WDPCP: variants seen among roughly 807,000 people sequenced by gnomAD.
WDPCP encodes WD repeat containing planar cell polarity effector.
WDPCP carries 71 observed loss-of-function variants against 93.1 expected under a neutral mutation model. The observed-to-expected ratio is 0.76, with a 90% CI of 0.63 to 0.93. The LOEUF is 0.93. Among genes scored for constraint, WDPCP ranks in the 40% least tolerant of loss-of-function variants. The pLI is 0.00. For missense variants in WDPCP, 844 were observed against 887.4 expected (o/e 0.95, Z 0.62); for synonymous variants, 315 against 315.0 (o/e 1.00, Z 0.00).
intron 1 of WDPCP, among the ~76,000 whole-genome samples, chr2:63,526,110 C>T (rs924112860): frequency 5.9e-5 from 9 of 152,052 alleles, no homozygotes; most frequent in Admixed American, 2.6e-4. Flanking sequence ...CTCCCATGCA[C>T]GTGCATAACT....
At chr2:63,551,616 A>G (rs1427099857) in intron 1 of WDPCP, among the ~76,000 whole-genome samples, 1 of 152,188 alleles carries the variant, frequency 6.6e-6, no homozygotes, top group African/African-American at 2.4e-5. Flanking sequence ...ATAAATTACC[A>G]GCCTCAGATA....
intron 1 of WDPCP, among the ~76,000 whole-genome samples, chr2:63,497,152 G>C (rs1701278245): frequency 1.3e-5 from 2 of 150,870 alleles, no homozygotes; most frequent in Non-Finnish European, 2.9e-5. Context: ...AGTGGCTGCA[G>C]GAAGTGGTGT....
intron 14 of WDPCP, among the ~76,000 whole-genome samples, chr2:63,258,993 T>C (rs1028738978): frequency 5.9e-5 from 9 of 152,172 alleles, no homozygotes; most frequent in Admixed American, 4.6e-4. Context: ...AATTTCTGTG[T>C]TGGTTAATTT....
intron 1 of WDPCP, among the ~76,000 whole-genome samples, chr2:63,822,010 T>A (rs2104130853): frequency 6.6e-6 from 1 of 152,248 alleles, no homozygotes; most frequent in Admixed American, 6.5e-5. Flanking sequence ...AACAATTCAA[T>A]GTTTTATTAA....
At chr2:63,760,273 TGAG>T (rs1670036662) in intron 2 of WDPCP, among the ~76,000 whole-genome samples, 1 of 152,140 alleles carries the variant, frequency 6.6e-6, no homozygotes, top group Non-Finnish European at 1.5e-5. Flanking sequence ...AAGCCTTGCC[TGAG>T]AGTTTAATAC....
rs374705545 is a variant in WDPCP at position 63,805,085 on chromosome 2, T to C, written n.308+8537A>G. ...ATGCCAGGGTGTCTCTGGCGGAAGA[T>C]AGGAGCAAAACAAAAGCTACCCATT... On this transcript the variant is annotated intron_variant and non_coding_transcript_variant, in intron 2 of 4. Coordinates refer to the WDPCP transcript ENST00000467687. Among the ~76,000 whole-genome samples, 70 of 152,258 alleles carry C rather than the reference T, an allele frequency of 4.6e-4. 1 individual carries two copies. Among genetic ancestry groups the C allele is most frequent in the African/African-American group, 1.6e-3 (65 of 41,556 alleles).
intron 14 of WDPCP, among the ~76,000 whole-genome samples, chr2:63,193,021 A>G (rs1675159464): frequency 6.6e-6 from 1 of 152,242 alleles, no homozygotes; most frequent in Non-Finnish European, 1.5e-5. Context: ...TGGAGGCATA[A>G]AAATAAACTA....
rs375737055 is a variant in WDPCP, at chr2:63,433,916, G to A, written c.654C>T (p.Pro218=). The A allele has an allele frequency of 1.8e-5, 29 of 1,613,458 alleles. No individual in the cohort carries two copies. Among genetic ancestry groups the A allele is most frequent in the Admixed American group, 1.5e-4 (9 of 59,914 alleles). Reference sequence around the variant, plus strand: ...GCTCTGTTGTCTTGTTTATTGGGCCGGGTATTTCATAATAGAAAATCTAAC... The same window carrying A: ...GCTCTGTTGTCTTGTTTATTGGGCCAGGTATTTCATAATAGAAAATCTAAC... The part of the protein sequence containing the change: ...LDYKIFYYEI[P]GPINKTTERH... Residue 218 remains proline (P), a synonymous_variant, in exon 9 of 18, where the codon CCC becomes CCT. Transcript: ENST00000272321.
At chr2:63,233,568 T>TGA (rs1179788538) in intron 14 of WDPCP, 2 of 168,508 alleles carry the variant, frequency 1.2e-5, no homozygotes, top group African/African-American at 4.8e-5. Context: ...ATATTCAATA[T>TGA]GAGAGACACA....
rs1277888270 is a variant in WDPCP, at chr2:63,378,593, G to A, written c.1625-84C>T. 8.2e-6 allele frequency: 13 copies of A among 1,582,060 alleles called. 1 individual carries two copies. The highest frequency in any genetic ancestry group is 7.8e-5 in the South Asian group (7 of 89,844). On this transcript the variant is annotated intron_variant, in intron 11 of 17. Transcript: ENST00000272321. Reference sequence around the variant, plus strand: ...AATACTCATGTTTGCAGTCAGTCAGGTTTTGCAGACTTGGATGAAACATGA... The same window carrying A: ...AATACTCATGTTTGCAGTCAGTCAGATTTTGCAGACTTGGATGAAACATGA...
intron 2 of WDPCP, among the ~76,000 whole-genome samples, chr2:63,804,251 C>CTT (rs548734461): frequency 1.4e-4 from 20 of 139,870 alleles, no homozygotes; most frequent in African/African-American, 3.9e-4. Context: ...CCAGATACTC[C>CTT]TTTTTTTTTT....
intron 1 of WDPCP, among the ~76,000 whole-genome samples, chr2:63,507,432 ACATT>A (rs1194797392): frequency 3.9e-5 from 6 of 152,142 alleles, no homozygotes; most frequent in Non-Finnish European, 8.8e-5. Context: ...TTAGAAAAAA[ACATT>A]CAGAGGACCA....
At chr2:63,381,330 T>C (rs186410698) in intron 11 of WDPCP, among the ~76,000 whole-genome samples, 18 of 152,124 alleles carry the variant, frequency 1.2e-4, no homozygotes, top group African/African-American at 4.3e-4. Flanking sequence ...TAGATATATA[T>C]CAACAAAATT....
rs1558542570 is a variant in WDPCP at position 63,378,373 on chromosome 2, ACAT to A, written c.1748+10_1748+12del. 6.2e-7 allele frequency: 1 copy of A among 1,612,742 alleles called. No individual in the cohort carries two copies. The highest frequency in any genetic ancestry group is 1.3e-5 in the African/African-American group (1 of 74,954). ...ATTAGTCTGACGCTAATCAATCCAA[ACAT>A]ATCATTCACCTGAGCAAGTGATGGA... On this transcript the variant is annotated intron_variant, in intron 12 of 17. Coordinates refer to ENST00000272321, the MANE Select transcript of WDPCP (RefSeq NM_015910.7).
chr2:63,198,153 A>G (rs1675600659), intron 14 of WDPCP, among the ~76,000 whole-genome samples: 2 of 152,210 alleles, frequency 1.3e-5, no homozygotes, highest in Non-Finnish European at 2.9e-5. Context: ...TTTATCATTA[A>G]AAAATCTAAT....
intron 2 of WDPCP, among the ~76,000 whole-genome samples, chr2:63,683,848 C>CA (rs1168197474): frequency 0.015 from 1,353 of 91,620 alleles, 10 homozygotes; most frequent in African/African-American, 0.045. Flanking sequence ...GACTCCATCT[C>CA]AAAAAAAAAA....
chr2:63,662,269 C>G (rs917407663), intron 2 of WDPCP, among the ~76,000 whole-genome samples: 4 of 152,176 alleles, frequency 2.6e-5, no homozygotes, highest in Non-Finnish European at 4.4e-5. Flanking sequence ...CCTCTCTGAA[C>G]TTTGGTTTCC....
intron 12 of WDPCP, among the ~76,000 whole-genome samples, chr2:63,335,163 C>A (rs528568840): frequency 2.4e-4 from 36 of 152,210 alleles, no homozygotes; most frequent in Non-Finnish European, 4.9e-4. Flanking sequence ...AGAATGCAAC[C>A]CCTTGCCTCT....
chr2:63,445,723 A>G (rs1415924592), intron 6 of WDPCP, among the ~76,000 whole-genome samples: 1 of 152,194 alleles, frequency 6.6e-6, no homozygotes, highest in Admixed American at 6.5e-5. Flanking sequence ...CCGAAAGTAG[A>G]TTTTGTATTT....
Sources: gnomAD v4.1 joint callset for allele counts (sites outside exome capture counted in the v4.1 genomes callset) on GRCh38, gnomAD v4.1.1 for gene constraint, MANE v1.5 for transcripts, NCBI Gene and HGNC (gene_info 2026-07-23, HGNC 2026-07-21) for gene names.